The following SRP14 variants were observed in gnomAD, a reference collection of about 807,000 sequenced individuals.
SRP14 encodes the protein signal recognition particle 14, also known as signal recognition particle 14 kDa protein.
Under a neutral mutation model 16.0 loss-of-function variants are expected in SRP14, and 1 was observed. The ratio of observed to expected loss-of-function variants is 0.06; its 90% CI spans 0.02 to 0.30. The LOEUF (loss-of-function observed/expected upper bound fraction) is 0.30, where lower values mean the gene tolerates loss of function less well. Ranked by LOEUF, SRP14 falls within the 10% of genes least tolerant of loss-of-function variation. The pLI is 1.00. For synonymous variants in SRP14, 67 were observed against 60.1 expected (o/e 1.12, Z -0.53); for missense variants, 120 against 163.1 (o/e 0.74, Z 1.44).
At position 40,038,962 on chromosome 15, in the gene SRP14, G is replaced by A. The variant is rs773902972; in HGVS notation, c.25-14C>T. ...CTCCGTCAGGAACTGGAAAACAACA[G>A]GCCCAGCCCCGTTAGCCAGCCCCAA... On this transcript the variant is annotated splice_polypyrimidine_tract_variant and intron_variant, in intron 1 of 4. Coordinates refer to ENST00000267884, the MANE Select transcript of SRP14 (RefSeq NM_003134.6). 8 of 1,610,504 alleles carry A rather than the reference G, an allele frequency of 5.0e-6. No individual in the cohort carries two copies. The highest frequency in any genetic ancestry group is 1.3e-5 in the African/African-American group (1 of 74,764).
Position 40,036,282 on chromosome 15 carries a change from A to G in SRP14, c.*51T>C. ...GAAACCTAGCTATCTGGCCAAAAGG[A>G]AAAAATAGCAATTCAGTGGTTAATT... On this transcript the variant is annotated 3_prime_UTR_variant, in exon 5 of 5. Coordinates refer to ENST00000267884, the MANE Select transcript of SRP14 (RefSeq NM_003134.6). 2 of 1,604,210 alleles carry G rather than the reference A, an allele frequency of 1.2e-6. No homozygotes were observed. Among genetic ancestry groups the G allele is most frequent in the South Asian group, 1.1e-5 (1 of 90,644 alleles).
chr15:40,036,732 T>C, intron 4 of SRP14: 2 of 638,072 alleles, frequency 3.1e-6, no homozygotes, highest in Non-Finnish European at 5.4e-6. Context: ...CAAGGGAAAA[T>C]TGCAGGCAAC....
chr15:40,037,782 A>G (rs1567014757), intron 3 of SRP14, among the ~76,000 whole-genome samples: 1 of 152,242 alleles, frequency 6.6e-6, no homozygotes, highest in Admixed American at 6.5e-5. Context: ...ACAGCAGAAT[A>G]AAGTAGTATT....
chr15:40,036,521 T>C (rs1375478149), intron 4 of SRP14, 21 bp from the exon 5 acceptor site: 1 of 1,606,840 alleles, frequency 6.2e-7, no homozygotes, highest in East Asian at 2.2e-5. Flanking sequence ...CAACAGAGCA[T>C]ACCTTAGTGG....
rs200831083 is a variant in SRP14, at chr15:40,036,371, T to G, written c.373A>C (p.Thr125Pro). 12 of 1,599,500 alleles carry G rather than the reference T, an allele frequency of 7.5e-6. No homozygotes were observed. In the African/African-American group the frequency reaches 1.5e-4, roughly 20 times the overall value. ...GTTGCTGCTGTTGTTGCTGCTGTTG[T>G]TGGTGCTGTTGCTGCTGCGGCAGGT... The part of the protein sequence containing the change: ...AAPAAAATAP[T>P]TAATTAATAA... The change falls in exon 5 of 5, where the codon ACA becomes CCA. Residue 125 changes from threonine (T) to proline (P), a missense_variant. By Grantham distance (38) the Thr-to-Pro change is conservative. Transcript: ENST00000267884.
intron 2 of SRP14, 41 bp downstream of exon 2, chr15:40,038,835 G>A: frequency 6.2e-7 from 1 of 1,606,910 alleles, no homozygotes; most frequent in Non-Finnish European, 8.5e-7. Context: ...CAGACACCGG[G>A]AACCCAGGGA....
rs1220480526 is a variant in SRP14 at position 40,039,121 on chromosome 15, G to A, written c.-5C>T. The stretch of plus-strand genomic sequence containing the variant: ...CTCGCTCTCCAACAACACCATCGCG[G>A]CGACGCTGGCTCGACTCCCTCCGCT... On this transcript the variant is annotated 5_prime_UTR_variant, in exon 1 of 5. Coordinates refer to ENST00000267884, the MANE Select transcript of SRP14 (RefSeq NM_003134.6). 3.7e-6 allele frequency: 6 copies of A among 1,611,120 alleles called. No homozygotes were observed. Among genetic ancestry groups the A allele is most frequent in the South Asian group, 2.2e-5 (2 of 90,560 alleles).
intron 3 of SRP14, chr15:40,037,447 C>A: frequency 2.3e-6 from 2 of 881,334 alleles, no homozygotes; most frequent in South Asian, 1.8e-5. Context: ...TATTTTTAAA[C>A]CTGCCTTCCA....
At chr15:40,037,278 G>GC in intron 3 of SRP14, 1 of 193,390 alleles carries the variant, frequency 5.2e-6, no homozygotes, top group Non-Finnish European at 6.7e-6. Context: ...CTCCTTTTGG[G>GC]GAAAAAAAAA....
intron 3 of SRP14, chr15:40,037,423 C>G: frequency 1.9e-6 from 2 of 1,032,132 alleles, no homozygotes; most frequent in Non-Finnish European, 2.5e-6. Flanking sequence ...ATTTAAACTA[C>G]TCCCTCCCCA....
rs2035644748 is a variant in SRP14 at position 40,037,411 on chromosome 15, A to ACATTAATAAATACATTAATAG, written c.211-394_211-393insCTATTAATGTATTTATTAATG. 5 of 1,115,856 alleles carry ACATTAATAAATACATTAATAG rather than the reference A, an allele frequency of 4.5e-6. No homozygotes were observed. In the East Asian group the frequency reaches 3.1e-4, roughly 69 times the overall value. 69.1% of individuals were successfully genotyped at this position (1,115,856 alleles called of 1,614,324 possible). ...AATTTTTTATACATTAATAGAAGAT[A>ACATTAATAAATACATTAATAG]TATTTAAACTACTCCCTCCCCATCT... is the stretch of plus-strand genomic sequence containing the variant. On this transcript the variant is annotated intron_variant, in intron 3 of 4. Coordinates refer to ENST00000267884, the MANE Select transcript of SRP14 (RefSeq NM_003134.6).
At chr15:40,038,485 G>T in intron 2 of SRP14, 91 bp from the exon 3 acceptor site, 2 of 882,182 alleles carry the variant, frequency 2.3e-6, no homozygotes, top group Admixed American at 1.9e-5. Flanking sequence ...GGTAAGTGAT[G>T]ACCTAACCCA....
At position 40,038,898 on chromosome 15, in the gene SRP14, G is replaced by A. The variant is rs896065235; in HGVS notation, c.75C>T (p.Ser25=). The change falls in exon 2 of 5, where the codon AGC becomes AGT. Residue 25 remains serine, a synonymous_variant. Coordinates refer to ENST00000267884, the MANE Select transcript of SRP14 (RefSeq NM_003134.6). ...RLFQKCRTSG[S]VYITLKKYDG... ...TACACTTCTTCAAGGTGATATAGAC[G>A]CTGCCCGACGTCCGGCACTTCTGGA... is the stretch of plus-strand genomic sequence containing the variant. 5 of 1,613,712 alleles carry A rather than the reference G, an allele frequency of 3.1e-6. No homozygotes were observed. In the Admixed American group the frequency reaches 8.3e-5, roughly 27 times the overall value.
intron 3 of SRP14, among the ~76,000 whole-genome samples, chr15:40,037,731 T>G (rs2035652404): frequency 6.6e-6 from 1 of 152,194 alleles, no homozygotes; most frequent in Admixed American, 6.5e-5. Context: ...ATAGTCTACA[T>G]TTTCATGCAG....
chr15:40,037,983 A>G (rs916184074), intron 3 of SRP14, among the ~76,000 whole-genome samples: 19 of 152,236 alleles, frequency 1.2e-4, no homozygotes, highest in African/African-American at 4.6e-4. Context: ...GGCCCAGCAC[A>G]GTAAGGGGCT....
chr15:40,039,074 C>G lies in SRP14; in HGVS notation c.24+19G>C. On this transcript the variant is annotated intron_variant, in intron 1 of 4. Coordinates refer to ENST00000267884, the MANE Select transcript of SRP14 (RefSeq NM_003134.6). ...GCCTGAGCCGCCCCCTTCCCTCGGC[C>G]GGCCAGGCCTAGCCATACCTGCTCG... is the stretch of plus-strand genomic sequence containing the variant. The G allele has an allele frequency of 6.2e-7, 1 of 1,608,288 alleles. No individual in the cohort carries two copies. The highest frequency in any genetic ancestry group is 1.7e-5 in the Admixed American group (1 of 59,434).
At chr15:40,037,805 G>A (rs530589863) in intron 3 of SRP14, among the ~76,000 whole-genome samples, 2 of 152,318 alleles carry the variant, frequency 1.3e-5, no homozygotes, top group South Asian at 2.1e-4. Context: ...CTCAATTCAA[G>A]GAGCCTCTTC....
rs1216788050 is a variant in SRP14, at chr15:40,038,232, T to TCA, written c.210+49_210+50insTG. The TCA allele has an allele frequency of 2.1e-6, 3 of 1,443,602 alleles. No homozygotes were observed. In the African/African-American group the frequency reaches 4.2e-5, roughly 20 times the overall value. 89.4% of individuals were successfully genotyped at this position (1,443,602 alleles called of 1,614,324 possible). ...GGTTCAGAAACGCCCCATCCTCTGT[T>TCA]AAGTTCAAGTCTTTACATTTCAAAA... On this transcript the variant is annotated intron_variant, in intron 3 of 4. Transcript: ENST00000267884.
chr15:40,038,770 G>C, intron 2 of SRP14, 106 bp downstream of exon 2: 6 of 1,222,324 alleles, frequency 4.9e-6, no homozygotes, highest in South Asian at 1.3e-5. Flanking sequence ...TCAGTACAGG[G>C]TGGGGAAAGG....
Sources: gnomAD v4.1 joint callset for allele counts (sites outside exome capture counted in the v4.1 genomes callset) on GRCh38, gnomAD v4.1.1 for gene constraint, MANE v1.5 for transcripts, NCBI Gene and HGNC (gene_info 2026-07-23, HGNC 2026-07-21) for gene names.